The following LTBP1 variants were observed in gnomAD, a reference collection of about 807,000 sequenced individuals.
The protein encoded by LTBP1 is latent transforming growth factor beta binding protein 1.
A neutral mutation model predicts 207.6 loss-of-function variants in LTBP1; 129 were observed. That is an observed-to-expected ratio of 0.62 (90% confidence interval 0.54 to 0.72). The LOEUF (loss-of-function observed/expected upper bound fraction) is 0.72. Among genes scored for constraint, LTBP1 ranks in the 30% least tolerant of loss-of-function variants. The pLI, the probability that LTBP1 is intolerant of heterozygous loss-of-function variation, is 0.00. For missense variants in LTBP1, 2,281 were observed against 2,217.2 expected (o/e 1.03, Z -0.58); for synonymous variants, 963 against 833.7 (o/e 1.16, Z -2.67).
At chr2:33,048,644 A>G (rs1002518738) in intron 3 of LTBP1, among the ~76,000 whole-genome samples, 1 of 152,238 alleles carries the variant, frequency 6.6e-6, no homozygotes, top group Non-Finnish European at 1.5e-5. Flanking sequence ...CCTGTGGTCC[A>G]GATGCCAGAA....
At chr2:33,188,522 T>G in intron 6 of LTBP1, 55 bp from the exon 7 acceptor site, 3 of 1,442,086 alleles carry the variant, frequency 2.1e-6, no homozygotes, top group Non-Finnish European at 2.8e-6. Flanking sequence ...TTAAAACTTT[T>G]GATTTGCCTG....
Position 33,315,084 on chromosome 2 carries a change from T to C in LTBP1, c.3605-60T>C, listed in dbSNP as rs1372134473. 2.2e-6 allele frequency: 3 copies of C among 1,349,440 alleles called. No homozygotes were observed. The African/African-American group carries it at 4.4e-5, about 20-fold the overall frequency. 83.6% of individuals were successfully genotyped at this position (1,349,440 alleles called of 1,614,324 possible). ...ATAGATTTATTTGCCATCTGTTTGA[T>C]AGTATATGGGAATGAAACCGATTTT... is the stretch of plus-strand genomic sequence containing the variant. On this transcript the variant is annotated intron_variant, in intron 23 of 33. Coordinates refer to ENST00000404816, the MANE Select transcript of LTBP1 (RefSeq NM_206943.4).
At chr2:33,078,908 G>A (rs1186165364) in intron 3 of LTBP1, among the ~76,000 whole-genome samples, 5 of 131,436 alleles carry the variant, frequency 3.8e-5, no homozygotes, top group African/African-American at 1.3e-4. Context: ...TGCCAGGCTG[G>A]AGTGCAGTGG....
At chr2:32,969,227 ATTTGTGTGTGTGTGTGTG>A (rs1219982741) in intron 2 of LTBP1, among the ~76,000 whole-genome samples, 4 of 92,604 alleles carry the variant, frequency 4.3e-5, no homozygotes, top group Non-Finnish European at 7.1e-5. Flanking sequence ...CACCTGGCCA[ATTTGTGTGTGTGTGTGTG>A]TGTGTGTGTG....
At chr2:33,033,218 GT>G (rs143523431) in intron 3 of LTBP1, among the ~76,000 whole-genome samples, 14,650 of 148,652 alleles carry the variant, frequency 0.099, 990 homozygotes, top group East Asian at 0.3. Flanking sequence ...AGTGTAAGTG[GT>G]TTTTTTTTTC....
rs140364986 is a variant in LTBP1 at position 33,391,668 on chromosome 2, C to T, written c.4834+2362C>T. Among the ~76,000 whole-genome samples the T allele has an allele frequency of 7.3e-3, 1,107 of 152,250 alleles. 13 individuals are homozygous for T. Among genetic ancestry groups the T allele is most frequent in the African/African-American group, 0.026 (1,061 of 41,524 alleles). On this transcript the variant is annotated intron_variant, in intron 32 of 33. Transcript: ENST00000404816. ...CCAGGACAAATGGAGAACCAAAATC[C>T]CAGGCACTGATGGGTCCTGAGAGTC...
intron 4 of LTBP1, among the ~76,000 whole-genome samples, chr2:33,122,175 C>T (rs1243151781): frequency 7.3e-6 from 1 of 136,742 alleles, no homozygotes; most frequent in Non-Finnish European, 1.5e-5. Context: ...GCGGGAGCTT[C>T]GTTCGAGAGG....
intron 9 of LTBP1, 80 bp from the exon 10 acceptor site, chr2:33,243,582 A>C (rs1360093818): frequency 6.0e-5 from 78 of 1,310,916 alleles, no homozygotes; most frequent in Non-Finnish European, 2.0e-5. Flanking sequence ...ATAGTGAAAA[A>C]GGAAGTGAAT....
chr2:33,205,393 G>A (rs2089765732), intron 7 of LTBP1, among the ~76,000 whole-genome samples: 1 of 152,180 alleles, frequency 6.6e-6, no homozygotes, highest in African/African-American at 2.4e-5. Context: ...TTAGAACTAG[G>A]CACACATGAA....
At chr2:33,000,204 A>G (rs1685895899) in intron 2 of LTBP1, among the ~76,000 whole-genome samples, 2 of 135,602 alleles carry the variant, frequency 1.5e-5, no homozygotes, top group Admixed American at 1.5e-4. Context: ...GCCTTGCCCC[A>G]GCTCCTCTAA....
chr2:33,396,701 G>A (rs1042897870), intron 32 of LTBP1, among the ~76,000 whole-genome samples: 1 of 152,146 alleles, frequency 6.6e-6, no homozygotes, highest in Admixed American at 6.5e-5. Context: ...GGCTGAAAAC[G>A]TATTGCCTCA....
chr2:33,289,479 C>T (rs1254418845), intron 19 of LTBP1, among the ~76,000 whole-genome samples: 2 of 152,126 alleles, frequency 1.3e-5, no homozygotes, highest in African/African-American at 4.8e-5. Context: ...CCTGCCTCAG[C>T]CTCCCAAGTA....
chr2:32,954,547 C>T (rs1354133126), intron 2 of LTBP1, among the ~76,000 whole-genome samples: 5 of 104,906 alleles, frequency 4.8e-5, no homozygotes, highest in East Asian at 2.1e-4. Context: ...CTCCACTCCC[C>T]GCCCCCCCCC....
At chr2:33,252,598 G>A in intron 10 of LTBP1, 79 bp from the exon 11 acceptor site, 1 of 1,317,938 alleles carries the variant, frequency 7.6e-7, no homozygotes, top group Non-Finnish European at 1.1e-6. Context: ...CATACCTTAG[G>A]GTTCATTTTA....
At chr2:33,302,923 G>A (rs1227036799) in intron 22 of LTBP1, among the ~76,000 whole-genome samples, 5 of 149,454 alleles carry the variant, frequency 3.3e-5, no homozygotes, top group Non-Finnish European at 7.4e-5. Flanking sequence ...ATATTAGCTG[G>A]GCGTGGTGGC....
In LTBP1 at chr2:33,134,679, C is replaced by G; in HGVS notation, c.1034-114C>G. The G allele has an allele frequency of 6.3e-7, 1 of 1,591,698 alleles. No homozygotes were observed. The highest frequency in any genetic ancestry group is 8.5e-7 in the Non-Finnish European group (1 of 1,170,828). ...TGTCGGGTTGTGGGCTCTCTCTTTT[C>G]CCCTCTTGCTCCTTTCTTTTCTTTT... is the stretch of plus-strand genomic sequence containing the variant. On this transcript the variant is annotated intron_variant, in intron 4 of 33. Transcript: ENST00000404816. This position sits in a 1 kb window ranked among gnomAD's most constrained non-coding sequence, Gnocchi z 4.4.
chr2:33,394,678 A>G (rs1329294580), intron 32 of LTBP1, among the ~76,000 whole-genome samples: 2 of 152,208 alleles, frequency 1.3e-5, no homozygotes, highest in African/African-American at 4.8e-5. Flanking sequence ...GTGTTTTGGT[A>G]CGAGCATCAT....
chr2:33,033,232 T>G (rs1433639875), intron 3 of LTBP1, among the ~76,000 whole-genome samples: 2 of 152,192 alleles, frequency 1.3e-5, no homozygotes, highest in Non-Finnish European at 2.9e-5. Flanking sequence ...TTTTTTTCAT[T>G]TTTAGTAGAG....
At chr2:33,124,863 T>A (rs112075272) in intron 4 of LTBP1, among the ~76,000 whole-genome samples, 18 of 152,348 alleles carry the variant, frequency 1.2e-4, no homozygotes, top group African/African-American at 4.1e-4. Context: ...ATTCTGAGTG[T>A]GTTTTTAGGC....
Sources: allele counts gnomAD v4.1 joint callset (sites outside exome capture counted in the v4.1 genomes callset), GRCh38; gene constraint gnomAD v4.1.1; non-coding constraint Gnocchi (gnomAD v3.1); transcripts MANE v1.5; gene names NCBI Gene and HGNC (gene_info 2026-07-23, HGNC 2026-07-21).